The following HYAL4 variants were observed in gnomAD, a reference collection of about 807,000 sequenced individuals.
The protein encoded by HYAL4 is hyaluronidase-4.
A neutral mutation model predicts 35.2 loss-of-function variants in HYAL4; 37 were observed. The observed-to-expected ratio is 1.05, with a 90% CI of 0.81 to 1.38. The LOEUF (loss-of-function observed/expected upper bound fraction) is 1.38. Ranked by LOEUF, HYAL4 falls within the 40% of genes most tolerant of loss-of-function variation. HYAL4 has a pLI of 0.00. For synonymous variants in HYAL4, 198 were observed against 203.2 expected (o/e 0.97, Z 0.22); for missense variants, 572 against 572.4 (o/e 1.00, Z 0.01).
the HYAL4 span, chr7:123,815,152 T>C: frequency 1.3e-5 from 2 of 152,576 alleles, no homozygotes; most frequent in African/African-American, 4.8e-5. Context: ...AATGCTGTTC[T>C]CTTATTAAAC....
the HYAL4 span, among the ~76,000 whole-genome samples, chr7:123,795,108 C>T: frequency 2.1e-3 from 313 of 152,338 alleles, 1 homozygote; most frequent in Middle Eastern, 6.8e-3. Context: ...AATAACTGCC[C>T]TACTGGATAT....
At chr7:123,854,713 G>C (rs1806390568) in intron 2 of HYAL4, among the ~76,000 whole-genome samples, 1 of 152,186 alleles carries the variant, frequency 6.6e-6, no homozygotes, top group African/African-American at 2.4e-5. Flanking sequence ...TTTGGGTGGA[G>C]AGTTTTGTAG....
intron 2 of HYAL4, among the ~76,000 whole-genome samples, chr7:123,864,149 G>A (rs1002938251): frequency 3.9e-5 from 6 of 152,190 alleles, no homozygotes; most frequent in African/African-American, 1.2e-4. Flanking sequence ...GGTCAACATA[G>A]TAGCAGCTAA....
At chr7:123,814,217 A>T in the HYAL4 span, 1 of 152,580 alleles carries the variant, frequency 6.6e-6, no homozygotes, top group African/African-American at 2.4e-5. Context: ...CAAACCAGCA[A>T]TGCCTCCGGT....
At chr7:123,803,969 A>G in the HYAL4 span, among the ~76,000 whole-genome samples, 1 of 152,206 alleles carries the variant, frequency 6.6e-6, no homozygotes, top group Non-Finnish European at 1.5e-5. Flanking sequence ...CTCACATGGC[A>G]TTCTGGGTAT....
At position 123,868,211 on chromosome 7, in the gene HYAL4, A is replaced by T; in HGVS notation, c.-51-12A>T. ...AAAACTATGACTAACAGAAAATTAAATCTCTCCACAGGTCTTCTAGAGTGC... is the reference window on the plus strand; with the variant it reads ...AAAACTATGACTAACAGAAAATTAATTCTCTCCACAGGTCTTCTAGAGTGC... On this transcript the variant is annotated splice_polypyrimidine_tract_variant and intron_variant, in intron 2 of 4. Transcript: ENST00000223026. 1 of 773,904 alleles carries T rather than the reference A, an allele frequency of 1.3e-6. No individual in the cohort carries two copies. The highest frequency in any genetic ancestry group is 2.0e-6 in the Non-Finnish European group (1 of 511,908). 47.9% of individuals were successfully genotyped at this position (773,904 alleles called of 1,614,324 possible).
the HYAL4 span, among the ~76,000 whole-genome samples, chr7:123,812,842 AT>A: frequency 6.6e-6 from 1 of 152,142 alleles, no homozygotes; most frequent in Non-Finnish European, 1.5e-5. Context: ...TGGGAGTCAA[AT>A]TAAGATCCCA....
the HYAL4 span, among the ~76,000 whole-genome samples, chr7:123,787,128 GAAAAAGA>G: frequency 7.8e-6 from 1 of 128,912 alleles, no homozygotes; most frequent in Non-Finnish European, 1.6e-5. Context: ...AAAAAAAAAA[GAAAAAGA>G]AAAAAAAAGC....
At chr7:123,764,104 T>C in the HYAL4 span, among the ~76,000 whole-genome samples, 1 of 152,184 alleles carries the variant, frequency 6.6e-6, no homozygotes, top group Admixed American at 6.5e-5. Flanking sequence ...TACCTCAGGC[T>C]ACTGAGTAGC....
the HYAL4 span, among the ~76,000 whole-genome samples, chr7:123,806,681 A>G: frequency 1.0e-3 from 157 of 151,236 alleles, no homozygotes; most frequent in African/African-American, 3.8e-3. Flanking sequence ...CAAACTCCCA[A>G]CCTCAGGTGA....
upstream of HYAL4, among the ~76,000 whole-genome samples, chr7:123,843,774 C>A (rs745358397): frequency 6.6e-6 from 1 of 151,732 alleles, no homozygotes; most frequent in African/African-American, 2.4e-5. Flanking sequence ...CCCTTTCTTC[C>A]GCTTGATCGA....
chr7:123,851,677 G>A (rs1007515493), intron 2 of HYAL4, among the ~76,000 whole-genome samples: 3 of 152,094 alleles, frequency 2.0e-5, no homozygotes, highest in South Asian at 2.1e-4. Context: ...AGTCTCTGCT[G>A]TTGTGAATAG....
chr7:123,771,014 A>T, the HYAL4 span, among the ~76,000 whole-genome samples: 1 of 152,130 alleles, frequency 6.6e-6, no homozygotes, highest in African/African-American at 2.4e-5. Flanking sequence ...AAATAATGGT[A>T]GTTTCATTAA....
intron 4 of HYAL4, chr7:123,876,146 T>C: frequency 2.3e-6 from 1 of 433,234 alleles, no homozygotes; most frequent in Admixed American, 2.7e-5. Context: ...CAAAAGTTAC[T>C]TAGCCATATA....
intron 2 of HYAL4, among the ~76,000 whole-genome samples, chr7:123,854,256 T>G (rs1806378752): frequency 6.6e-6 from 1 of 152,178 alleles, no homozygotes; most frequent in African/African-American, 2.4e-5. Flanking sequence ...ATTTCTTGTC[T>G]TCTTCTAGCT....
chr7:123,791,932 A>G, the HYAL4 span, among the ~76,000 whole-genome samples: 215 of 152,302 alleles, frequency 1.4e-3, no homozygotes, highest in African/African-American at 4.8e-3. Context: ...GAAATTCACA[A>G]TTCTCCCAAT....
At chr7:123,806,575 C>G in the HYAL4 span, among the ~76,000 whole-genome samples, 4 of 151,856 alleles carry the variant, frequency 2.6e-5, no homozygotes, top group African/African-American at 9.7e-5. Context: ...TCCTAAGTAG[C>G]TGGGATTACA....
upstream of HYAL4, among the ~76,000 whole-genome samples, chr7:123,825,530 C>G (rs145228960): frequency 1.1e-4 from 17 of 151,990 alleles, no homozygotes; most frequent in East Asian, 5.8e-4. Context: ...AGAGATCTGG[C>G]CTTTGTCCTT....
the HYAL4 span, among the ~76,000 whole-genome samples, chr7:123,804,735 A>C: frequency 6.6e-6 from 1 of 152,134 alleles, no homozygotes; most frequent in Non-Finnish European, 1.5e-5. Flanking sequence ...CTAACCATGA[A>C]TGTGGTGGTG....
Sources: allele counts gnomAD v4.1 joint callset (sites outside exome capture counted in the v4.1 genomes callset), GRCh38; gene constraint gnomAD v4.1.1; transcripts MANE v1.5; gene names NCBI Gene and HGNC (gene_info 2026-07-23, HGNC 2026-07-21).